Variants in BTD observed in about 807,000 individuals in gnomAD.
BTD encodes biotinidase.
In BTD, 13 loss-of-function variants were observed where a neutral mutation model predicts 17.7. The observed-to-expected ratio is 0.74, with a 90% CI of 0.48 to 1.17. The LOEUF (loss-of-function observed/expected upper bound fraction) is 1.17. BTD is among the 50% of genes most tolerant of loss of function. The pLI is 0.00. For synonymous variants in BTD, 240 were observed against 245.2 expected (o/e 0.98, Z 0.20); for missense variants, 674 against 650.4 (o/e 1.04, Z -0.39).
intron 1 of BTD, among the ~76,000 whole-genome samples, chr3:15,622,464 T>C (rs1418816176): frequency 6.6e-6 from 1 of 152,232 alleles, no homozygotes; most frequent in Admixed American, 6.6e-5. Flanking sequence ...GTTTTATGGC[T>C]CACAGTGTGT....
chr3:15,699,367 G>T (rs900719267), intron 3 of BTD, among the ~76,000 whole-genome samples: 1 of 152,152 alleles, frequency 6.6e-6, no homozygotes, highest in Admixed American at 6.5e-5. Context: ...AAAAGCAATA[G>T]CAACAGAAGC....
chr3:15,719,427 T>C lies in BTD; in HGVS notation c.1016-2343T>C, dbSNP rs569562552. 1.8e-3 allele frequency among the ~76,000 whole-genome samples: 278 copies of C among 152,296 alleles called. 5 individuals carry two copies. The highest frequency in any genetic ancestry group is 5.9e-4 in the Non-Finnish European group (40 of 68,032). The stretch of plus-strand genomic sequence containing the variant: ...GTTTGGCAAGTGCTCAAAGGATGAA[T>C]TGATAAAATTAATACAGAAACAACT... On this transcript the variant is annotated intron_variant, in intron 4 of 4. Transcript: ENST00000672427.
chr3:15,627,676 C>T (rs1281592401), intron 1 of BTD, among the ~76,000 whole-genome samples: 1 of 152,168 alleles, frequency 6.6e-6, no homozygotes, highest in Non-Finnish European at 1.5e-5. Flanking sequence ...TATCATCCAG[C>T]GTCAGTGTTT....
intron 3 of BTD, chr3:15,684,898 A>G (rs1213207087): frequency 7.9e-6 from 2 of 254,030 alleles, no homozygotes; most frequent in Non-Finnish European, 1.5e-5. Context: ...CTGAGGTGGG[A>G]GGATCACTTG....
intron 3 of BTD, among the ~76,000 whole-genome samples, chr3:15,662,853 GT>G (rs34083448): frequency 0.14 from 17,600 of 126,410 alleles, 1,509 homozygotes; most frequent in East Asian, 0.43. Flanking sequence ...CAGGCTGGAG[GT>G]TTTTTTTTTT....
intron 3 of BTD, chr3:15,675,824 G>A (rs1468142982): frequency 2.4e-6 from 3 of 1,263,344 alleles, no homozygotes; most frequent in Non-Finnish European, 3.2e-6. Flanking sequence ...AAATATCCAA[G>A]TTTATTTCTC....
downstream of BTD, among the ~76,000 whole-genome samples, chr3:15,716,281 CTTT>C (rs373633047): frequency 1.1e-4 from 13 of 113,662 alleles, no homozygotes; most frequent in Middle Eastern, 5.7e-3. Context: ...CGCACCTGGA[CTTT>C]TTTTTTTTTT....
chr3:15,662,037 G>A (rs2065930188), intron 3 of BTD, among the ~76,000 whole-genome samples: 2 of 152,128 alleles, frequency 1.3e-5, no homozygotes, highest in South Asian at 4.1e-4. Flanking sequence ...TTATAGTATG[G>A]GTAGTGTAAG....
intron 3 of BTD, chr3:15,685,590 T>C (rs2068014140): frequency 1.3e-6 from 1 of 782,096 alleles, no homozygotes; most frequent in Non-Finnish European, 2.0e-6. Context: ...TAATTCTGTA[T>C]TTTTATTGGA....
intron 3 of BTD, among the ~76,000 whole-genome samples, chr3:15,689,160 T>C (rs1220376468): frequency 6.6e-6 from 1 of 152,204 alleles, no homozygotes; most frequent in African/African-American, 2.4e-5. Flanking sequence ...GTAATCTCCT[T>C]GGGTCTGGAA....
At chr3:15,644,133 T>C (rs890311367) in intron 3 of BTD, among the ~76,000 whole-genome samples, 183 bp from the exon 4 acceptor site, 5 of 152,058 alleles carry the variant, frequency 3.3e-5, no homozygotes, top group African/African-American at 4.8e-5. Context: ...CCCGAGTAGC[T>C]GGGACTACAG....
chr3:15,689,924 T>G (rs544369578), intron 3 of BTD: 1 of 1,230,424 alleles, frequency 8.1e-7, no homozygotes, highest in South Asian at 1.7e-5. Flanking sequence ...AGGTCAAAAT[T>G]TTAAAGACAA....
downstream of BTD, among the ~76,000 whole-genome samples, chr3:15,716,112 A>G (rs2072990864): frequency 2.0e-5 from 3 of 150,822 alleles, no homozygotes; most frequent in South Asian, 6.3e-4. Context: ...CCTCCTGAGT[A>G]GCTGGGATTA....
chr3:15,642,935 G>A (rs1229127191), intron 3 of BTD, among the ~76,000 whole-genome samples: 1 of 151,426 alleles, frequency 6.6e-6, no homozygotes, highest in Non-Finnish European at 1.5e-5. Context: ...GGCTGAGGCA[G>A]GAGAATCACT....
chr3:15,611,882 TA>T (rs574506547), intron 1 of BTD, among the ~76,000 whole-genome samples: 234 of 152,116 alleles, frequency 1.5e-3, no homozygotes, highest in African/African-American at 5.0e-3. Flanking sequence ...TATTCTTTTT[TA>T]AAAAAAATTC....
intron 3 of BTD, among the ~76,000 whole-genome samples, chr3:15,703,478 T>C (rs1394372797): frequency 6.6e-6 from 1 of 152,174 alleles, no homozygotes; most frequent in African/African-American, 2.4e-5. Flanking sequence ...AGTGTCCTTA[T>C]AAATAAGGCC....
intron 3 of BTD, chr3:15,689,719 C>T (rs1358053988): frequency 4.1e-6 from 1 of 242,742 alleles, no homozygotes. Context: ...TAGTCTAGGA[C>T]CTACATGTAA....
At chr3:15,705,672 C>T (rs1349711745) in intron 3 of BTD, among the ~76,000 whole-genome samples, 1 of 152,112 alleles carries the variant, frequency 6.6e-6, no homozygotes, top group Non-Finnish European at 1.5e-5. Context: ...ACTTTATATT[C>T]TTGCAAATAA....
intron 3 of BTD, among the ~76,000 whole-genome samples, chr3:15,643,527 T>C (rs1274554927): frequency 1.3e-5 from 2 of 151,960 alleles, no homozygotes; most frequent in African/African-American, 4.8e-5. Context: ...GAAGAATCTT[T>C]TGAATTTTTG....
Sources: allele counts gnomAD v4.1 joint callset (sites outside exome capture counted in the v4.1 genomes callset), GRCh38; gene constraint gnomAD v4.1.1; transcripts MANE v1.5; gene names NCBI Gene and HGNC (gene_info 2026-07-23, HGNC 2026-07-21).